The following MAST2 variants were observed in gnomAD, a reference collection of about 807,000 sequenced individuals.
MAST2 encodes microtubule associated serine/threonine kinase 2.
A neutral mutation model predicts 147.4 loss-of-function variants in MAST2; 70 were observed. The ratio of observed to expected loss-of-function variants is 0.47; its 90% CI spans 0.39 to 0.58. The LOEUF is 0.58. Among genes scored for constraint, MAST2 ranks in the 20% least tolerant of loss-of-function variants. The pLI, the probability that MAST2 is intolerant of heterozygous loss-of-function variation, is 0.00. For missense variants in MAST2, 2,080 were observed against 2,302.3 expected (o/e 0.90, Z 1.98); for synonymous variants, 869 against 896.8 (o/e 0.97, Z 0.55).
chr1:46,023,221 C>T lies in MAST2; in HGVS notation c.1486-12C>T. On this transcript the variant is annotated splice_polypyrimidine_tract_variant and intron_variant, in intron 13 of 28. Transcript: ENST00000361297. The surrounding 1 kb of genome is among the most constrained non-coding windows in gnomAD (Gnocchi z 4.9). ...AGCATGCCTGTCTCCTGCCTTTTCC[C>T]TTGTCTTCCAGGGCCATGGGGCATC... 6.2e-7 allele frequency: 1 copy of T among 1,612,864 alleles called. No individual in the cohort carries two copies. The highest frequency in any genetic ancestry group is 8.5e-7 in the Non-Finnish European group (1 of 1,178,806).
intron 4 of MAST2, among the ~76,000 whole-genome samples, chr1:45,937,534 C>A (rs1570811607): frequency 6.6e-6 from 1 of 151,792 alleles, no homozygotes; most frequent in African/African-American, 2.4e-5. Context: ...TGGATCACCT[C>A]AGGTCAGGGG....
At chr1:45,877,067 T>C (rs1646637954) in intron 3 of MAST2, among the ~76,000 whole-genome samples, 1 of 152,198 alleles carries the variant, frequency 6.6e-6, no homozygotes, top group Non-Finnish European at 1.5e-5. Flanking sequence ...TTCGTGCTGC[T>C]ATAAAAAAAT....
At chr1:45,917,331 C>T (rs541691933) in intron 4 of MAST2, 2 of 1,360,012 alleles carry the variant, frequency 1.5e-6, no homozygotes, top group African/African-American at 1.5e-5. Flanking sequence ...ATTGTGGTAC[C>T]TTGTCAGAAT....
chr1:46,023,076 G>C lies in MAST2; in HGVS notation c.1485+105G>C, dbSNP rs1248677447. On this transcript the variant is annotated intron_variant, in intron 13 of 28. Coordinates refer to ENST00000361297, the MANE Select transcript of MAST2 (RefSeq NM_015112.3). This position sits in a 1 kb window ranked among gnomAD's most constrained non-coding sequence, Gnocchi z 4.9. The stretch of plus-strand genomic sequence containing the variant: ...TATCTGAGGAAGGGATGGGGGAGTT[G>C]GTGACAGCAAACACTGAGAAGTCAT... The C allele has an allele frequency of 7.9e-7, 1 of 1,263,738 alleles. No individual in the cohort carries two copies. Among genetic ancestry groups the C allele is most frequent in the Non-Finnish European group, 1.2e-6 (1 of 868,232 alleles). The allele number at this position is 1,263,738 out of a possible 1,614,324, so 78.3% of individuals were successfully genotyped here. A position where few individuals can be genotyped will look rare whatever the true frequency, so the allele number is the denominator to read the frequency against.
Position 46,036,083 on chromosome 1 carries a change from C to T in MAST2, c.*17C>T, listed in dbSNP as rs760386197. ...CAAACATAGCAGTTGTTTGCCATTT[C>T]TTGCACTCAGACCTGTGTAATATAT... is the stretch of plus-strand genomic sequence containing the variant. On this transcript the variant is annotated 3_prime_UTR_variant, in exon 29 of 29. Coordinates refer to ENST00000361297, the MANE Select transcript of MAST2 (RefSeq NM_015112.3). 9.5e-6 allele frequency: 15 copies of T among 1,585,730 alleles called. No individual in the cohort carries two copies. Among genetic ancestry groups the T allele is most frequent in the Non-Finnish European group, 1.2e-5 (14 of 1,165,580 alleles).
intron 2 of MAST2, 78 bp downstream of exon 2, chr1:45,824,658 A>G (rs1644736099): frequency 1.4e-6 from 2 of 1,407,766 alleles, no homozygotes; most frequent in African/African-American, 1.4e-5. Context: ...TTGAATTGGC[A>G]TCTTGACAGT....
At chr1:45,826,118 C>T (rs61783196) in intron 2 of MAST2, among the ~76,000 whole-genome samples, 12,885 of 152,148 alleles carry the variant, frequency 0.085, 702 homozygotes, top group Admixed American at 0.16. Flanking sequence ...TGGATCAGCT[C>T]TTTCTTTTGA....
chr1:46,030,864 G>A, intron 22 of MAST2, 103 bp downstream of exon 22: 1 of 1,474,080 alleles, frequency 6.8e-7, no homozygotes, highest in Non-Finnish European at 9.0e-7. Context: ...AGGTGGCAGG[G>A]AGGGGGCATT....
At chr1:46,025,637 A>T in intron 15 of MAST2, 40 bp from the exon 16 acceptor site, 1 of 1,612,894 alleles carries the variant, frequency 6.2e-7, no homozygotes, top group Admixed American at 1.7e-5. Flanking sequence ...TAGAGCAGGG[A>T]ACTGAATCCT....
chr1:45,959,631 C>T (rs1039494298), intron 5 of MAST2, among the ~76,000 whole-genome samples, 154 bp downstream of exon 5: 2 of 152,206 alleles, frequency 1.3e-5, no homozygotes, highest in African/African-American at 2.4e-5. Flanking sequence ...GCTTTCTGTA[C>T]GAGAATGAGT....
intron 9 of MAST2, 92 bp from the exon 10 acceptor site, chr1:46,010,638 C>A (rs1645674660): frequency 2.9e-6 from 3 of 1,038,786 alleles, no homozygotes; most frequent in Non-Finnish European, 2.9e-6. Context: ...TCAGAGGGAG[C>A]CCATTATTTT....
At chr1:45,951,185 C>T (rs776935307) in intron 4 of MAST2, among the ~76,000 whole-genome samples, 2 of 152,028 alleles carry the variant, frequency 1.3e-5, no homozygotes, top group African/African-American at 4.8e-5. Flanking sequence ...TGTGCCATTG[C>T]ACCCTAGCCT....
chr1:45,907,254 T>C (rs1650909621), intron 4 of MAST2, among the ~76,000 whole-genome samples: 1 of 152,232 alleles, frequency 6.6e-6, no homozygotes, highest in African/African-American at 2.4e-5. Flanking sequence ...TTAATTTTGA[T>C]GTTCTTTGTG....
intron 4 of MAST2, among the ~76,000 whole-genome samples, chr1:45,884,290 A>G (rs760831101): frequency 3.3e-5 from 5 of 152,054 alleles, no homozygotes; most frequent in Non-Finnish European, 7.4e-5. Context: ...GCTCACACCT[A>G]TAGTCCCAGC....
chr1:45,934,379 G>A (rs906996468), intron 4 of MAST2, among the ~76,000 whole-genome samples: 5 of 152,066 alleles, frequency 3.3e-5, no homozygotes, highest in African/African-American at 7.2e-5. Flanking sequence ...CCAGCTACTC[G>A]GGAGGCTGAG....
intron 5 of MAST2, among the ~76,000 whole-genome samples, chr1:45,987,484 A>T (rs1463105282): frequency 6.6e-6 from 1 of 151,946 alleles, no homozygotes; most frequent in Admixed American, 6.6e-5. Flanking sequence ...GCTAATTTTT[A>T]AATTCTTTGT....
At chr1:45,816,039 C>T (rs1337285238) in intron 1 of MAST2, among the ~76,000 whole-genome samples, 1 of 152,158 alleles carries the variant, frequency 6.6e-6, no homozygotes, top group Non-Finnish European at 1.5e-5. Flanking sequence ...ATAGCCTCCT[C>T]TTTTTCCTTG....
At chr1:45,926,519 T>A (rs1415948407) in intron 4 of MAST2, among the ~76,000 whole-genome samples, 4 of 152,212 alleles carry the variant, frequency 2.6e-5, no homozygotes, top group African/African-American at 4.8e-5. Flanking sequence ...GCATTCTCAC[T>A]AATTGTTTCT....
intron 1 of MAST2, among the ~76,000 whole-genome samples, chr1:45,817,246 G>A (rs1007145735): frequency 1.3e-5 from 2 of 152,142 alleles, no homozygotes; most frequent in African/African-American, 4.8e-5. Context: ...ATGCCAAGCA[G>A]ATTTAGCCCA....
Sources: allele counts gnomAD v4.1 joint callset (sites outside exome capture counted in the v4.1 genomes callset), GRCh38; gene constraint gnomAD v4.1.1; non-coding constraint Gnocchi (gnomAD v3.1); transcripts MANE v1.5; gene names NCBI Gene and HGNC (gene_info 2026-07-23, HGNC 2026-07-21).